ATP2C1: variants seen among roughly 807,000 people sequenced by gnomAD.
ATP2C1 encodes the protein ATPase secretory pathway Ca2+ transporting 1.
A neutral mutation model predicts 120.5 loss-of-function variants in ATP2C1; 31 were observed. That is an observed-to-expected ratio of 0.26 (90% CI 0.19 to 0.35). The LOEUF is 0.35. Among genes scored for constraint, ATP2C1 ranks in the 10% least tolerant of loss-of-function variants. The probability of loss-of-function intolerance (pLI) is 1.00; values close to 1 mark genes in which losing one functional copy is unlikely to be tolerated. For synonymous variants in ATP2C1, 351 were observed against 358.7 expected (o/e 0.98, Z 0.24); for missense variants, 731 against 1,107.5 (o/e 0.66, Z 4.83).
rs1885843 is a variant in ATP2C1 at position 130,858,546 on chromosome 3, T to C, written c.108+7618T>C. ...CTGTCCTTTGCTGTATTTATCCTAGTAGCAATTTCGCATCTTTCTGTGGGG... is the reference window on the plus strand; with the variant it reads ...CTGTCCTTTGCTGTATTTATCCTAGCAGCAATTTCGCATCTTTCTGTGGGG... On this transcript the variant is annotated intron_variant, in intron 1 of 26. Coordinates refer to the ATP2C1 transcript ENST00000504381. Among the ~76,000 whole-genome samples the C allele has an allele frequency of 4.3e-3, 659 of 152,368 alleles. 16 individuals are homozygous for C. The highest frequency in any genetic ancestry group is 0.038 in the Admixed American group (580 of 15,304).
chr3:130,989,850 G>A (rs918665754), intron 20 of ATP2C1, among the ~76,000 whole-genome samples: 1 of 152,150 alleles, frequency 6.6e-6, no homozygotes, highest in Non-Finnish European at 1.5e-5. Flanking sequence ...ATTAATTTCT[G>A]CAGTAATTAG....
intron 8 of ATP2C1, among the ~76,000 whole-genome samples, chr3:130,948,116 T>C (rs1175171676): frequency 6.6e-6 from 1 of 152,202 alleles, no homozygotes; most frequent in Non-Finnish European, 1.5e-5. Context: ...TAATACTGAC[T>C]TTTATGTTTA....
At position 130,967,436 on chromosome 3, in the gene ATP2C1, C is replaced by A; in HGVS notation, c.1308+17C>A. 1 of 1,605,610 alleles carries A rather than the reference C, an allele frequency of 6.2e-7. No homozygotes were observed. On this transcript the variant is annotated intron_variant, in intron 16 of 27. Coordinates refer to ENST00000510168, the MANE Select transcript of ATP2C1 (RefSeq NM_001378687.1). ...GCAATGAAGGTACGTACCTAAATTT[C>A]TCTTCTTTGACATTTGAGACACTGC...
chr3:130,999,766 C>T (rs2062799794), intron 27 of ATP2C1, 107 bp downstream of exon 27: 3 of 1,092,630 alleles, frequency 2.7e-6, no homozygotes, highest in Non-Finnish European at 3.9e-6. Flanking sequence ...ATAAGTAACT[C>T]ACTTGATTTG....
At chr3:131,014,085 T>A in intron 26 of ATP2C1, 1 of 1,598,722 alleles carries the variant, frequency 6.3e-7, no homozygotes, top group Non-Finnish European at 8.5e-7. Context: ...CTCACTATGT[T>A]CCTCTAAGTT....
At chr3:130,876,777 T>C (rs2068618643) in intron 1 of ATP2C1, among the ~76,000 whole-genome samples, 1 of 151,458 alleles carries the variant, frequency 6.6e-6, no homozygotes. Context: ...TTTTGTGTCC[T>C]CTACTATTTG....
chr3:130,889,971 T>C (rs76891228), upstream of ATP2C1, among the ~76,000 whole-genome samples: 1,237 of 152,308 alleles, frequency 8.1e-3, 14 homozygotes, highest in African/African-American at 0.028. Context: ...ATCCCTTAAG[T>C]CCTCTTGGTT....
At chr3:130,850,642 G>T in exon 1 of ATP2C1, 1 of 425,540 alleles carries the variant, frequency 2.3e-6, no homozygotes, top group East Asian at 3.8e-5. Flanking sequence ...TGGCTGTCTG[G>T]TTTCACCAGG....
chr3:130,952,542 G>C (rs1290478362), intron 8 of ATP2C1, among the ~76,000 whole-genome samples: 1 of 152,164 alleles, frequency 6.6e-6, no homozygotes, highest in African/African-American at 2.4e-5. Context: ...TTGGTACATA[G>C]TGTGAACTGA....
chr3:131,016,054 T>TTA (rs1560056173), intron 26 of ATP2C1: 1 of 1,486,042 alleles, frequency 6.7e-7, no homozygotes, highest in Non-Finnish European at 9.1e-7. Context: ...TTTTTTTTTT[T>TTA]AAGTAACTTT....
chr3:130,878,886 A>G (rs2107805445), intron 1 of ATP2C1, among the ~76,000 whole-genome samples: 1 of 152,166 alleles, frequency 6.6e-6, no homozygotes. Flanking sequence ...TTATTTGGAG[A>G]TCTTTGAGCT....
At chr3:130,854,822 A>G (rs1242944016) in intron 1 of ATP2C1, among the ~76,000 whole-genome samples, 1 of 152,140 alleles carries the variant, frequency 6.6e-6, no homozygotes, top group Non-Finnish European at 1.5e-5. Flanking sequence ...TCAAACACCT[A>G]TTTGCTGAAA....
At chr3:130,867,296 G>GTCCGTC (rs2068210828) in intron 1 of ATP2C1, among the ~76,000 whole-genome samples, 1 of 134,860 alleles carries the variant, frequency 7.4e-6, no homozygotes, top group East Asian at 2.3e-4. Context: ...AGAAATGATT[G>GTCCGTC]TCCCTCTCCC....
chr3:130,916,242 C>T (rs1312110196), intron 2 of ATP2C1, among the ~76,000 whole-genome samples: 1 of 143,610 alleles, frequency 7.0e-6, no homozygotes, highest in African/African-American at 2.6e-5. Context: ...CCTGTCTCTA[C>T]TCAAAAAAAA....
At position 130,859,307 on chromosome 3, in the gene ATP2C1, C is replaced by T. The variant is rs150421338; in HGVS notation, c.108+8379C>T. Among the ~76,000 whole-genome samples, 955 of 152,240 alleles carry T rather than the reference C, an allele frequency of 6.3e-3. 13 individuals are homozygous for T. Among genetic ancestry groups the T allele is most frequent in the African/African-American group, 0.022 (894 of 41,528 alleles). On this transcript the variant is annotated intron_variant, in intron 1 of 26. Coordinates refer to the ATP2C1 transcript ENST00000504381. The stretch of plus-strand genomic sequence containing the variant: ...GTGATTAGAGTAGCATGTAATTCTC[C>T]GTCAAGGTAAAAAACAAAAGTTACA...
intron 1 of ATP2C1, among the ~76,000 whole-genome samples, chr3:130,884,999 T>C (rs983347185): frequency 6.6e-6 from 1 of 151,012 alleles, no homozygotes; most frequent in African/African-American, 2.4e-5. Flanking sequence ...AATGGCGCGA[T>C]TTTGGCTCAT....
At chr3:130,935,816 A>G (rs987932965) in intron 5 of ATP2C1, among the ~76,000 whole-genome samples, 28 of 152,312 alleles carry the variant, frequency 1.8e-4, no homozygotes, top group African/African-American at 5.8e-4. Flanking sequence ...TTAAATCTGG[A>G]CCCTTGAGTA....
intron 17 of ATP2C1, among the ~76,000 whole-genome samples, chr3:130,972,860 C>T (rs964252665): frequency 2.0e-5 from 3 of 151,780 alleles, no homozygotes; most frequent in Non-Finnish European, 2.9e-5. Context: ...GGAGGGATTA[C>T]TAGATACTTG....
chr3:130,945,086 AGGACTATAGTTGGTGGCAGTGGCCT>A (rs1192132419), intron 8 of ATP2C1, among the ~76,000 whole-genome samples: 1 of 152,064 alleles, frequency 6.6e-6, no homozygotes, highest in African/African-American at 2.4e-5. Flanking sequence ...CTACAGAGGG[AGGACTATAGTTGGTGGCAGTGGCCT>A]TTCCAGCAGG....
Sources: gnomAD v4.1 joint callset for allele counts (sites outside exome capture counted in the v4.1 genomes callset) on GRCh38, gnomAD v4.1.1 for gene constraint, MANE v1.5 for transcripts, NCBI Gene and HGNC (gene_info 2026-07-23, HGNC 2026-07-21) for gene names.